Variants in ANGPTL7 observed in about 807,000 individuals in gnomAD.
ANGPTL7 encodes angiopoietin like 7.
In ANGPTL7, 37 loss-of-function variants were observed where a neutral mutation model predicts 38.8. That is an observed-to-expected ratio of 0.95 (90% CI 0.73 to 1.25). The LOEUF is 1.25. ANGPTL7 is among the 50% of genes most tolerant of loss of function. The pLI, the probability that ANGPTL7 is intolerant of heterozygous loss-of-function variation, is 0.00. For synonymous variants in ANGPTL7, 166 were observed against 163.2 expected (o/e 1.02, Z -0.13); for missense variants, 427 against 438.6 (o/e 0.97, Z 0.24).
intron 3 of ANGPTL7, 123 bp downstream of exon 3, chr1:11,193,897 T>C: frequency 9.3e-7 from 1 of 1,080,592 alleles, no homozygotes. Context: ...GTGATGGTTT[T>C]CCTGCAAGTT....
At position 11,192,258 on chromosome 1, in the gene ANGPTL7, G is replaced by C; in HGVS notation, c.377-12G>C. Reference sequence around the variant, plus strand: ...GGTCTAAATGCTCACCCTGTGGTTTGTTCTCTTGTAGATGCCATCTACGAC... The same window carrying C: ...GGTCTAAATGCTCACCCTGTGGTTTCTTCTCTTGTAGATGCCATCTACGAC... On this transcript the variant is annotated splice_polypyrimidine_tract_variant and intron_variant, in intron 1 of 4. Transcript: ENST00000376819. 2 of 1,600,620 alleles carry C rather than the reference G, an allele frequency of 1.2e-6. No individual in the cohort carries two copies. Among genetic ancestry groups the C allele is most frequent in the Non-Finnish European group, 1.7e-6 (2 of 1,167,978 alleles).
intron 1 of ANGPTL7, among the ~76,000 whole-genome samples, chr1:11,191,894 C>A (rs895833786): frequency 6.6e-6 from 1 of 152,126 alleles, no homozygotes; most frequent in Non-Finnish European, 1.5e-5. Context: ...GTTATAGTGG[C>A]GGCTGTCTAA....
intron 3 of ANGPTL7, among the ~76,000 whole-genome samples, chr1:11,194,081 T>C (rs970977218): frequency 5.9e-5 from 9 of 152,162 alleles, no homozygotes; most frequent in Non-Finnish European, 7.4e-5. Flanking sequence ...CATGAGGTCC[T>C]TTAGGTGCAA....
At chr1:11,194,685 A>C in intron 4 of ANGPTL7, 26 bp downstream of exon 4, 1 of 1,613,878 alleles carries the variant, frequency 6.2e-7, no homozygotes, top group Non-Finnish European at 8.5e-7. Context: ...ACCGGAAAGG[A>C]GAAGTTCAGG....
rs2100731200 is a variant in ANGPTL7, at chr1:11,195,766, A to AT, written c.*744dup. 1 of 152,722 alleles carries AT rather than the reference A, an allele frequency of 6.5e-6. No homozygotes were observed. The highest frequency in any genetic ancestry group is 2.1e-4 in the South Asian group (1 of 4,830). 9.5% of individuals were successfully genotyped at this position (152,722 alleles called of 1,614,324 possible). ...TAAAATATTCATAGTTAATACAGGT[A>AT]TATCTATTTTTATTTACTTTGTAAG... On this transcript the variant is annotated 3_prime_UTR_variant, in exon 5 of 5. Coordinates refer to ENST00000376819, the MANE Select transcript of ANGPTL7 (RefSeq NM_021146.4).
At position 11,192,271 on chromosome 1, in the gene ANGPTL7, T is replaced by G. The variant is rs1446959816; in HGVS notation, c.378T>G (p.Asp126Glu). 1 of 1,612,078 alleles carries G rather than the reference T, an allele frequency of 6.2e-7. No homozygotes were observed. The highest frequency in any genetic ancestry group is 1.7e-5 in the Admixed American group (1 of 60,024). ...ACCCTGTGGTTTGTTCTCTTGTAGA[T>G]GCCATCTACGACTGCTCTTCCCTCT... is the stretch of plus-strand genomic sequence containing the variant. ...AAQTVTQTSA[D>E]AIYDCSSLYQ... The change falls in exon 2 of 5, where the codon GAT (aspartate) becomes GAG (glutamate). Residue 126 changes from aspartate to glutamate, a missense_variant and splice_region_variant. Transcript: ENST00000376819.
rs1645704413 is a variant in ANGPTL7, at chr1:11,194,593, A to G, written c.805A>G (p.Thr269Ala). The G allele has an allele frequency of 6.2e-7, 1 of 1,614,076 alleles. No homozygotes were observed. Among genetic ancestry groups the G allele is most frequent in the Admixed American group, 1.7e-5 (1 of 60,000 alleles). The change falls in exon 4 of 5, where the codon ACA becomes GCA. Residue 269 changes from threonine (T) to alanine (A), a missense_variant. Thr to Ala is a moderately conservative substitution (Grantham distance 58). Transcript: ENST00000376819. ...GNDALQYHNN[T>A]AFSTKDKDND... ...CGACGCCCTCCAGTATCATAACAACACAGCCTTCAGCACCAAGGACAAGGA... is the reference window on the plus strand; with the variant it reads ...CGACGCCCTCCAGTATCATAACAACGCAGCCTTCAGCACCAAGGACAAGGA...
rs1304873142 is a variant in ANGPTL7 at position 11,193,507 on chromosome 1, T to G, written c.478-73T>G. The G allele has an allele frequency of 4.3e-6, 6 of 1,389,516 alleles. No homozygotes were observed. The African/African-American group carries it at 8.7e-5, about 20-fold the overall frequency. The allele number at this position is 1,389,516 out of a possible 1,614,324, so 86.1% of individuals were successfully genotyped here. Reference sequence around the variant, plus strand: ...CTGGCTCTGCAGGGACAGGAACAGGTTGGGAAGCCTGCCCTCTTGCTCCTG... The same window carrying G: ...CTGGCTCTGCAGGGACAGGAACAGGGTGGGAAGCCTGCCCTCTTGCTCCTG... On this transcript the variant is annotated intron_variant, in intron 2 of 4. Coordinates refer to ENST00000376819, the MANE Select transcript of ANGPTL7 (RefSeq NM_021146.4).
Position 11,189,859 on chromosome 1 carries a change from C to T in ANGPTL7, c.280C>T (p.Arg94Trp), listed in dbSNP as rs771394500. 4.9e-5 allele frequency: 79 copies of T among 1,614,054 alleles called. 1 individual carries two copies. The highest frequency in any genetic ancestry group is 4.7e-4 in the East Asian group (21 of 44,898). ...GAGCAACAGCAAGCGCATGGAGTCGCGGCTCACAGATGCTGAGAGCAAGTA... is the reference window on the plus strand; with the variant it reads ...GAGCAACAGCAAGCGCATGGAGTCGTGGCTCACAGATGCTGAGAGCAAGTA... ...LESNSKRMESRLTDAESKYSE... is the reference protein window; with the variant it reads ...LESNSKRMESWLTDAESKYSE... The change falls in exon 1 of 5, where the codon CGG becomes TGG. Residue 94 changes from arginine to tryptophan, a missense_variant. Arg to Trp is a moderately radical substitution (Grantham distance 101). Coordinates refer to ENST00000376819, the MANE Select transcript of ANGPTL7 (RefSeq NM_021146.4).
rs576198666 is a variant in ANGPTL7, at chr1:11,195,873, A to C, written c.*850A>C. ...GAAGGTAGATGGTGTTATAGTTAAT[A>C]ATAAATGCTGTAAATAAGCATCTCA... On this transcript the variant is annotated 3_prime_UTR_variant, in exon 5 of 5. Coordinates refer to ENST00000376819, the MANE Select transcript of ANGPTL7 (RefSeq NM_021146.4). 1 of 152,420 alleles carries C rather than the reference A, an allele frequency of 6.6e-6. No homozygotes were observed. The highest frequency in any genetic ancestry group is 1.9e-4 in the East Asian group (1 of 5,196). The allele number at this position is 152,420 out of a possible 1,614,324, so 9.4% of individuals were successfully genotyped here.
At position 11,189,483 on chromosome 1, in the gene ANGPTL7, G is replaced by GTT. The variant is rs1332656723; in HGVS notation, c.-96_-95insTT. 52 of 1,404,894 alleles carry GTT rather than the reference G, an allele frequency of 3.7e-5. No homozygotes were observed. Among genetic ancestry groups the GTT allele is most frequent in the Non-Finnish European group, 4.9e-5 (51 of 1,043,348 alleles). 87.0% of individuals were successfully genotyped at this position (1,404,894 alleles called of 1,614,324 possible). A position where few individuals can be genotyped will look rare whatever the true frequency, so the allele number is the denominator to read the frequency against. On this transcript the variant is annotated 5_prime_UTR_variant, in exon 1 of 5. Coordinates refer to ENST00000376819, the MANE Select transcript of ANGPTL7 (RefSeq NM_021146.4). Reference sequence around the variant, plus strand: ...GTGGCGAGGCCCTCAGAGTGAAAGCGTAAGGTTCAGTCAGCCTGCTGCAGC... The same window carrying GTT: ...GTGGCGAGGCCCTCAGAGTGAAAGCGTTTAAGGTTCAGTCAGCCTGCTGCAGC...
In ANGPTL7 at chr1:11,194,531, G is replaced by A. The variant is rs924321890; in HGVS notation, c.743G>A (p.Arg248His). The A allele has an allele frequency of 5.0e-6, 8 of 1,613,976 alleles. No homozygotes were observed. Among genetic ancestry groups the A allele is most frequent in the Middle Eastern group, 1.6e-4 (1 of 6,082 alleles). Reference protein sequence around the residue: ...FVLGNELNSYRLFLGNYTGNV... With the variant: ...FVLGNELNSYHLFLGNYTGNV... The stretch of plus-strand genomic sequence containing the variant: ...TTGGGCAATGAACTCAACAGCTATC[G>A]CCTCTTCCTGGGGAACTACACTGGC... The change falls in exon 4 of 5, where the codon CGC becomes CAC. Residue 248 changes from arginine to histidine, a missense_variant. By Grantham distance (29) the Arg-to-His change is conservative. Coordinates refer to ENST00000376819, the MANE Select transcript of ANGPTL7 (RefSeq NM_021146.4).
chr1:11,192,000 A>G (rs1645556074), intron 1 of ANGPTL7, among the ~76,000 whole-genome samples: 1 of 152,138 alleles, frequency 6.6e-6, no homozygotes, highest in Admixed American at 6.5e-5. Context: ...AGAATAATTT[A>G]TTTCAGAGTT....
intron 2 of ANGPTL7, among the ~76,000 whole-genome samples, chr1:11,193,227 T>C (rs1014590694): frequency 6.6e-6 from 1 of 151,754 alleles, no homozygotes; most frequent in African/African-American, 2.4e-5. Context: ...GGAGAATCAC[T>C]GGAACTCAGG....
intron 2 of ANGPTL7, among the ~76,000 whole-genome samples, chr1:11,193,336 T>C (rs1645625134): frequency 6.6e-6 from 1 of 151,956 alleles, no homozygotes; most frequent in South Asian, 2.1e-4. Flanking sequence ...ATCTGGATTT[T>C]TCCCTCCAAG....
chr1:11,192,788 A>C (rs1246801573), intron 2 of ANGPTL7, among the ~76,000 whole-genome samples: 1 of 151,674 alleles, frequency 6.6e-6, no homozygotes, highest in African/African-American at 2.4e-5. Flanking sequence ...AAACACAAGC[A>C]AACACACCAA....
intron 3 of ANGPTL7, among the ~76,000 whole-genome samples, chr1:11,194,079 C>T (rs902877199): frequency 2.0e-5 from 3 of 152,272 alleles, no homozygotes; most frequent in Middle Eastern, 3.4e-3. Context: ...AGCATGAGGT[C>T]CTTTAGGTGC....
chr1:11,191,724 G>A (rs1215996574), intron 1 of ANGPTL7, among the ~76,000 whole-genome samples: 3 of 152,132 alleles, frequency 2.0e-5, no homozygotes, highest in African/African-American at 7.2e-5. Context: ...AGTGTTTTGA[G>A]GTGCTAGCTG....
chr1:11,193,761 G>T lies in ANGPTL7; in HGVS notation c.659G>T (p.Arg220Leu). The T allele has an allele frequency of 6.2e-7, 1 of 1,614,124 alleles. No individual in the cohort carries two copies. The change falls in exon 3 of 5, where the codon CGT becomes CTT. Residue 220 changes from arginine to leucine, a missense_variant. Transcript: ENST00000376819. ...HRLSRQPTRLRVEMEDWEGNL... is the reference protein window; with the variant it reads ...HRLSRQPTRLLVEMEDWEGNL... ...CTCTCCAGACAGCCAACCCGGCTGC[G>T]TGTAGAGATGGAGGTAAGCACAAGG...
Sources: allele counts gnomAD v4.1 joint callset (sites outside exome capture counted in the v4.1 genomes callset), GRCh38; gene constraint gnomAD v4.1.1; transcripts MANE v1.5; gene names NCBI Gene and HGNC (gene_info 2026-07-23, HGNC 2026-07-21).